Variants in PITPNM3 observed in about 807,000 individuals in gnomAD.
PITPNM3 encodes the protein PITPNM family member 3, also known as membrane-associated phosphatidylinositol transfer protein 3.
PITPNM3 carries 26 observed loss-of-function variants against 102.0 expected under a neutral mutation model. The observed-to-expected ratio is 0.25, with a 90% CI of 0.19 to 0.35. The LOEUF is 0.35. Ranked by LOEUF, PITPNM3 falls within the 10% of genes least tolerant of loss-of-function variation. The pLI, the probability that PITPNM3 is intolerant of heterozygous loss-of-function variation, is 1.00. For synonymous variants in PITPNM3, 578 were observed against 558.6 expected (o/e 1.03, Z -0.49); for missense variants, 1,083 against 1,346.1 (o/e 0.80, Z 3.06).
chr17:6,529,909 C>A (rs539216368), intron 2 of PITPNM3, among the ~76,000 whole-genome samples: 1 of 152,340 alleles, frequency 6.6e-6, no homozygotes, highest in African/African-American at 2.4e-5. Context: ...CCATGGCGTT[C>A]TCTTTTCCAC....
Position 6,464,174 on chromosome 17 carries a change from C to T in PITPNM3, c.2152G>A (p.Val718Ile), listed in dbSNP as rs776710664. 8.1e-6 allele frequency: 13 copies of T among 1,614,166 alleles called. No individual in the cohort carries two copies. The highest frequency in any genetic ancestry group is 4.2e-6 in the Non-Finnish European group (5 of 1,180,024). Residue 718 changes from valine (V) to isoleucine (I), a missense_variant, in exon 16 of 20, where the codon GTC (valine) becomes ATC (isoleucine). Physicochemically the swap from Val to Ile is conservative, Grantham distance 29. Coordinates refer to ENST00000262483, the MANE Select transcript of PITPNM3 (RefSeq NM_031220.4). Reference sequence around the variant, plus strand: ...AGAATGGCCCCTGGGTCTTACCTGACGACCATCTTCACAGGATAGACACCA... The same window carrying T: ...AGAATGGCCCCTGGGTCTTACCTGATGACCATCTTCACAGGATAGACACCA... Reference protein sequence around the residue: ...GVGVYPVKMVVRGDQTCAMSY... With the variant: ...GVGVYPVKMVIRGDQTCAMSY...
chr17:6,458,153 G>A lies in PITPNM3; in HGVS notation c.2491-431C>T, dbSNP rs1914186091. ...GCCATGTGCCCACTGCCTCTCACTG[G>A]CTGGTGTGATGACCGCCCCCCTCCC... On this transcript the variant is annotated intron_variant, in intron 18 of 19. Coordinates refer to ENST00000262483, the MANE Select transcript of PITPNM3 (RefSeq NM_031220.4). This position sits in a 1 kb window ranked among gnomAD's most constrained non-coding sequence, Gnocchi z 5.1. Among the ~76,000 whole-genome samples, 1 of 151,966 alleles carries A rather than the reference G, an allele frequency of 6.6e-6. No homozygotes were observed. The highest frequency in any genetic ancestry group is 6.5e-5 in the Admixed American group (1 of 15,270).
At chr17:6,542,636 T>C (rs545850914) in intron 1 of PITPNM3, among the ~76,000 whole-genome samples, 2 of 152,294 alleles carry the variant, frequency 1.3e-5, no homozygotes, top group East Asian at 1.9e-4. Context: ...TCATAATACT[T>C]ACCCCACTGT....
chr17:6,500,536 T>C (rs1428664286), intron 4 of PITPNM3, among the ~76,000 whole-genome samples: 2 of 152,152 alleles, frequency 1.3e-5, no homozygotes, highest in Admixed American at 1.3e-4. Context: ...TATGGAAAAA[T>C]ACATCACAGT....
In PITPNM3 at chr17:6,469,707, A is replaced by T. The variant is rs1183953398; in HGVS notation, c.1773+553T>A. On this transcript the variant is annotated intron_variant, in intron 13 of 19. Transcript: ENST00000262483. The surrounding 1 kb of genome is among the most constrained non-coding windows in gnomAD (Gnocchi z 4.0). ...GTTCCTCTCCTGCCGTGAAAACAGC[A>T]GCCTCAGCCTCAGGGTTTCCTTCAA... Among the ~76,000 whole-genome samples, 1 of 152,148 alleles carries T rather than the reference A, an allele frequency of 6.6e-6. No individual in the cohort carries two copies. Among genetic ancestry groups the T allele is most frequent in the Non-Finnish European group, 1.5e-5 (1 of 68,018 alleles).
rs143615868 is a variant in PITPNM3, at chr17:6,542,031, G to A, written c.23-3949C>T. On this transcript the variant is annotated intron_variant, in intron 1 of 19. Transcript: ENST00000262483. ...TGTTTCAGGAAGGCGTTTGCTCTGCGGAAGAGATCAGGGCGGGGGACCTCA... is the reference window on the plus strand; with the variant it reads ...TGTTTCAGGAAGGCGTTTGCTCTGCAGAAGAGATCAGGGCGGGGGACCTCA... Among the ~76,000 whole-genome samples, 1,214 of 152,298 alleles carry A rather than the reference G, an allele frequency of 8.0e-3. 16 individuals carry two copies. The highest frequency in any genetic ancestry group is 0.027 in the African/African-American group (1,118 of 41,544).
At chr17:6,515,564 A>G (rs1356136290) in intron 3 of PITPNM3, among the ~76,000 whole-genome samples, 3 of 152,118 alleles carry the variant, frequency 2.0e-5, no homozygotes, top group Non-Finnish European at 2.9e-5. Flanking sequence ...TCTAAAAAAG[A>G]ATTTGGCAAG....
chr17:6,486,954 C>G (rs771774765), intron 4 of PITPNM3, among the ~76,000 whole-genome samples: 1 of 152,190 alleles, frequency 6.6e-6, no homozygotes, highest in Non-Finnish European at 1.5e-5. Context: ...CCCCACGTAC[C>G]TTAAAGGTTA....
chr17:6,509,588 T>C (rs1907747163), intron 3 of PITPNM3, among the ~76,000 whole-genome samples: 1 of 152,164 alleles, frequency 6.6e-6, no homozygotes, highest in Non-Finnish European at 1.5e-5. Context: ...TCATGAAGCC[T>C]GGCTGAGGAG....
chr17:6,460,907 C>T (rs767835783), intron 18 of PITPNM3: 4 of 261,988 alleles, frequency 1.5e-5, no homozygotes, highest in Admixed American at 1.0e-4. Context: ...GCACTTCTCC[C>T]GAGTTTCCGA....
chr17:6,476,716 A>T (rs1332335873), intron 9 of PITPNM3, among the ~76,000 whole-genome samples: 1 of 152,238 alleles, frequency 6.6e-6, no homozygotes, highest in Non-Finnish European at 1.5e-5. Flanking sequence ...AAAACCATGC[A>T]GTGAAGTAGG....
chr17:6,461,967 G>A (rs534986756), intron 17 of PITPNM3, among the ~76,000 whole-genome samples: 7 of 150,822 alleles, frequency 4.6e-5, no homozygotes, highest in East Asian at 2.0e-4. Flanking sequence ...TCCTTAGCTC[G>A]GGCCCCATCT....
chr17:6,456,054 C>T (rs1312116157), intron 19 of PITPNM3, among the ~76,000 whole-genome samples: 3 of 151,900 alleles, frequency 2.0e-5, no homozygotes, highest in Non-Finnish European at 4.4e-5. Flanking sequence ...GAAAGGGTCT[C>T]GCTGTGTCGC....
intron 3 of PITPNM3, among the ~76,000 whole-genome samples, chr17:6,506,825 C>T (rs1234752922): frequency 6.6e-6 from 1 of 152,186 alleles, no homozygotes; most frequent in Non-Finnish European, 1.5e-5. Flanking sequence ...GCCACTGGGC[C>T]AAACAAACCA....
At chr17:6,519,261 C>T (rs111519739) in intron 3 of PITPNM3, among the ~76,000 whole-genome samples, 6 of 51,312 alleles carry the variant, frequency 1.2e-4, no homozygotes, top group Admixed American at 4.9e-4. Flanking sequence ...GGCGTGAACC[C>T]GGGAGGCGGA....
intron 4 of PITPNM3, among the ~76,000 whole-genome samples, chr17:6,495,118 T>C (rs1906722786): frequency 6.6e-6 from 1 of 152,106 alleles, no homozygotes; most frequent in Admixed American, 6.5e-5. Context: ...GCAGAGATTA[T>C]CTCTGAAATG....
chr17:6,462,449 T>C (rs749521082), intron 17 of PITPNM3, among the ~76,000 whole-genome samples: 1 of 152,138 alleles, frequency 6.6e-6, no homozygotes, highest in Non-Finnish European at 1.5e-5. Flanking sequence ...CCTTGGCTCT[T>C]CTGCTGCACA....
intron 9 of PITPNM3, among the ~76,000 whole-genome samples, chr17:6,476,520 G>A (rs954109352): frequency 2.0e-5 from 3 of 152,196 alleles, no homozygotes; most frequent in Admixed American, 2.0e-4. Context: ...AAGTGTGTTG[G>A]ATTAGATACA....
At chr17:6,545,866 C>A (rs368274752) in intron 1 of PITPNM3, among the ~76,000 whole-genome samples, 4 of 152,348 alleles carry the variant, frequency 2.6e-5, no homozygotes, top group East Asian at 3.9e-4. Context: ...TGAGCAGACA[C>A]CTGGTAGGAA....
Sources: gnomAD v4.1 joint callset for allele counts (sites outside exome capture counted in the v4.1 genomes callset) on GRCh38, gnomAD v4.1.1 for gene constraint, Gnocchi (gnomAD v3.1) non-coding constraint, MANE v1.5 for transcripts, NCBI Gene and HGNC (gene_info 2026-07-23, HGNC 2026-07-21) for gene names.